The following PCDH7 variants were observed in gnomAD, a reference collection of about 807,000 sequenced individuals.
PCDH7 encodes protocadherin 7.
PCDH7 carries 17 observed loss-of-function variants against 58.9 expected under a neutral mutation model. The ratio of observed to expected loss-of-function variants is 0.29; its 90% CI spans 0.20 to 0.43. The LOEUF (loss-of-function observed/expected upper bound fraction) is 0.43, where lower values mean the gene tolerates loss of function less well. PCDH7 is among the 20% of genes least tolerant of loss of function. PCDH7 has a pLI of 1.00. For synonymous variants in PCDH7, 664 were observed against 616.4 expected (o/e 1.08, Z -1.14); for missense variants, 1,274 against 1,441.0 (o/e 0.88, Z 1.88).
At chr4:30,954,261 A>T (rs2109451136) in intron 3 of PCDH7, among the ~76,000 whole-genome samples, 1 of 152,292 alleles carries the variant, frequency 6.6e-6, no homozygotes, top group Non-Finnish European at 1.5e-5. Flanking sequence ...TTTTTATGCC[A>T]CATGCCTTTT....
At chr4:30,980,232 G>A (rs1750432826) in intron 3 of PCDH7, among the ~76,000 whole-genome samples, 1 of 152,164 alleles carries the variant, frequency 6.6e-6, no homozygotes, top group Admixed American at 6.5e-5. Flanking sequence ...CTACAGTGGA[G>A]CTTTCTGGTA....
At chr4:31,137,216 TAAAAAGGA>T (rs764191527) in intron 3 of PCDH7, among the ~76,000 whole-genome samples, 35 of 152,318 alleles carry the variant, frequency 2.3e-4, no homozygotes, top group Admixed American at 8.5e-4. Flanking sequence ...CCAAACACTT[TAAAAAGGA>T]AAAAAGGAAA....
rs960334565 is a variant in PCDH7 at position 31,142,416 on chromosome 4, C to G, written c.*8-57C>G. The stretch of plus-strand genomic sequence containing the variant: ...ATATTTCCTCTAATTTCATATAGAT[C>G]AGGGGAGCCTGTTGAGGAGTGTCAA... On this transcript the variant is annotated intron_variant, in intron 3 of 3. Transcript: ENST00000509759. 9.3e-6 allele frequency: 12 copies of G among 1,285,904 alleles called. No homozygotes were observed. In the Admixed American group the frequency reaches 2.8e-4, roughly 30 times the overall value. The allele number at this position is 1,285,904 out of a possible 1,614,324, so 79.7% of individuals were successfully genotyped here.
At chr4:31,011,875 G>T (rs1753213839) in intron 3 of PCDH7, among the ~76,000 whole-genome samples, 1 of 151,412 alleles carries the variant, frequency 6.6e-6, no homozygotes, top group Non-Finnish European at 1.5e-5. Context: ...ATTTTTTAAG[G>T]TCTACTTTTC....
chr4:30,732,147 C>T (rs1715595796), exon 2 of PCDH7: 1 of 152,138 alleles, frequency 6.6e-6, no homozygotes, highest in Non-Finnish European at 1.5e-5. Context: ...TGTATTTAAT[C>T]TTGCAAAAGG....
intron 1 of PCDH7, among the ~76,000 whole-genome samples, chr4:30,838,505 C>T (rs1305056650): frequency 6.6e-6 from 1 of 151,726 alleles, no homozygotes; most frequent in Non-Finnish European, 1.5e-5. Flanking sequence ...GTTTTTTTTC[C>T]CCCTTTTAAA....
chr4:30,970,439 C>A (rs1390906928), intron 3 of PCDH7, among the ~76,000 whole-genome samples: 1 of 151,606 alleles, frequency 6.6e-6, no homozygotes, highest in Non-Finnish European at 1.5e-5. Flanking sequence ...GGACCACAGG[C>A]ACCCACCACC....
intron 3 of PCDH7, among the ~76,000 whole-genome samples, chr4:31,002,825 T>C (rs1752460393): frequency 6.6e-6 from 1 of 152,208 alleles, no homozygotes; most frequent in East Asian, 1.9e-4. Flanking sequence ...TGCATTCCTG[T>C]AATATCTGAA....
intron 1 of PCDH7, among the ~76,000 whole-genome samples, chr4:30,814,676 A>C (rs1057435348): frequency 6.6e-6 from 1 of 152,154 alleles, no homozygotes; most frequent in Non-Finnish European, 1.5e-5. Context: ...AAGATATGGA[A>C]ACAAATCAAA....
At chr4:30,949,188 A>G (rs938002593) in intron 2 of PCDH7, among the ~76,000 whole-genome samples, 3 of 152,170 alleles carry the variant, frequency 2.0e-5, no homozygotes, top group Admixed American at 1.3e-4. Flanking sequence ...TTCATAAAAT[A>G]CACATCTATT....
intron 1 of PCDH7, among the ~76,000 whole-genome samples, chr4:30,867,600 G>A (rs911460669): frequency 2.0e-5 from 3 of 152,012 alleles, no homozygotes; most frequent in Admixed American, 1.3e-4. Flanking sequence ...TTAGACATCC[G>A]TGGATTCAAC....
intron 1 of PCDH7, among the ~76,000 whole-genome samples, chr4:30,765,053 A>G (rs1022467966): frequency 1.4e-5 from 2 of 142,982 alleles, no homozygotes; most frequent in Non-Finnish European, 3.0e-5. Flanking sequence ...TCTTGCACAT[A>G]TGATCTGCTT....
intron 3 of PCDH7, among the ~76,000 whole-genome samples, chr4:31,127,089 A>G (rs76336536): frequency 0.059 from 9,029 of 152,260 alleles, 388 homozygotes; most frequent in Non-Finnish European, 0.086. Context: ...AAACAAAAAC[A>G]AAAAAGAGAG....
At chr4:31,067,488 C>T (rs765927912) in intron 3 of PCDH7, among the ~76,000 whole-genome samples, 7 of 151,366 alleles carry the variant, frequency 4.6e-5, no homozygotes, top group Non-Finnish European at 1.0e-4. Flanking sequence ...AAATGAGGAT[C>T]GTGCCAGTGG....
chr4:31,126,936 A>G (rs1343850262), intron 3 of PCDH7, among the ~76,000 whole-genome samples: 1 of 152,238 alleles, frequency 6.6e-6, no homozygotes. Context: ...AATTCCCTGC[A>G]GCCAGTCTTC....
intron 3 of PCDH7, among the ~76,000 whole-genome samples, chr4:31,032,404 T>TGGGG (rs1410792444): frequency 6.6e-6 from 1 of 152,108 alleles, no homozygotes; most frequent in Non-Finnish European, 1.5e-5. Flanking sequence ...AGCCAGATGT[T>TGGGG]GGATACCAAA....
chr4:30,844,404 A>G (rs1731644324), intron 1 of PCDH7, among the ~76,000 whole-genome samples: 1 of 152,198 alleles, frequency 6.6e-6, no homozygotes, highest in African/African-American at 2.4e-5. Flanking sequence ...CAGAAAAATT[A>G]GCTCTTCAGA....
At chr4:30,942,708 T>C (rs115949720) in intron 2 of PCDH7, among the ~76,000 whole-genome samples, 3,155 of 152,168 alleles carry the variant, frequency 0.021, 52 homozygotes, top group Non-Finnish European at 0.033. Flanking sequence ...ACATCACAAT[T>C]GCAAATTTGA....
chr4:30,961,879 A>G (rs1748468003), intron 3 of PCDH7, among the ~76,000 whole-genome samples: 1 of 152,190 alleles, frequency 6.6e-6, no homozygotes, highest in South Asian at 2.1e-4. Flanking sequence ...TTTGGGTCAA[A>G]CAGAATATGC....
Sources: allele counts gnomAD v4.1 joint callset (sites outside exome capture counted in the v4.1 genomes callset), GRCh38; gene constraint gnomAD v4.1.1; transcripts MANE v1.5; gene names NCBI Gene and HGNC (gene_info 2026-07-23, HGNC 2026-07-21).